IRAG1: variants seen among roughly 807,000 people sequenced by gnomAD.
The protein encoded by IRAG1 is inositol 1,4,5-triphosphate receptor associated 1, also known as IP3R-associated cGMP kinase substrate.
Under a neutral mutation model 106.2 loss-of-function variants are expected in IRAG1, and 62 were observed. The ratio of observed to expected loss-of-function variants is 0.58; its 90% CI spans 0.48 to 0.72. The LOEUF (loss-of-function observed/expected upper bound fraction) is 0.72, where lower values mean the gene tolerates loss of function less well. IRAG1 is among the 30% of genes least tolerant of loss of function. The pLI, the probability that IRAG1 is intolerant of heterozygous loss-of-function variation, is 0.00. For missense variants in IRAG1, 1,064 were observed against 1,140.7 expected (o/e 0.93, Z 0.97); for synonymous variants, 462 against 443.9 (o/e 1.04, Z -0.51).
intron 10 of IRAG1, among the ~76,000 whole-genome samples, chr11:10,621,916 C>T (rs1012928329): frequency 6.6e-6 from 1 of 151,820 alleles, no homozygotes; most frequent in Admixed American, 6.6e-5. Context: ...TACATAGAGA[C>T]AGAAAGTAGA....
intron 2 of IRAG1, among the ~76,000 whole-genome samples, chr11:10,645,261 T>C (rs1380073663): frequency 1.3e-5 from 2 of 152,208 alleles, no homozygotes; most frequent in African/African-American, 2.4e-5. Flanking sequence ...CTCTATTGCA[T>C]ATAATGGGGT....
At chr11:10,627,626 C>G in intron 8 of IRAG1, 90 bp downstream of exon 8, 1 of 1,446,866 alleles carries the variant, frequency 6.9e-7, no homozygotes, top group East Asian at 2.3e-5. Context: ...TGCACACACA[C>G]TTGAAGGCTG....
At chr11:10,604,264 C>T in intron 13 of IRAG1, 141 bp downstream of exon 13, 4 of 1,112,212 alleles carry the variant, frequency 3.6e-6, no homozygotes, top group Non-Finnish European at 5.1e-6. Context: ...CCCCAACTCT[C>T]TGAGGAACAC....
At chr11:10,648,786 T>A (rs1234515411) in intron 2 of IRAG1, among the ~76,000 whole-genome samples, 1 of 152,042 alleles carries the variant, frequency 6.6e-6, no homozygotes, top group Non-Finnish European at 1.5e-5. Flanking sequence ...TGTCTGTGCA[T>A]GCCTGTGTAT....
At chr11:10,655,913 T>A (rs1858885374) in intron 1 of IRAG1, among the ~76,000 whole-genome samples, 1 of 152,098 alleles carries the variant, frequency 6.6e-6, no homozygotes, top group African/African-American at 2.4e-5. Context: ...CTTGACAAGA[T>A]GGAACCCCAG....
intron 1 of IRAG1, among the ~76,000 whole-genome samples, chr11:10,689,857 C>T (rs1861927023): frequency 6.6e-6 from 1 of 152,152 alleles, no homozygotes; most frequent in Non-Finnish European, 1.5e-5. Flanking sequence ...ATACTTATCA[C>T]TGAGGAATGG....
intron 1 of IRAG1, among the ~76,000 whole-genome samples, chr11:10,693,105 G>A (rs917940928): frequency 2.0e-5 from 3 of 152,212 alleles, no homozygotes; most frequent in African/African-American, 7.2e-5. Context: ...TGCCAGCCCA[G>A]GTTCAAGGCA....
chr11:10,600,904 G>A lies in IRAG1; in HGVS notation c.2017+14C>T. 1 of 1,613,954 alleles carries A rather than the reference G, an allele frequency of 6.2e-7. No homozygotes were observed. The highest frequency in any genetic ancestry group is 8.5e-7 in the Non-Finnish European group (1 of 1,179,826). On this transcript the variant is annotated intron_variant, in intron 15 of 20. Transcript: ENST00000423302. ...CTTGTAGGGCCAAGATGGGGCAGGA[G>A]CCTAGGTCCTTACCAGAGGGGCCAC...
intron 18 of IRAG1, among the ~76,000 whole-genome samples, chr11:10,584,508 A>G (rs1168955283): frequency 6.7e-6 from 1 of 149,272 alleles, no homozygotes; most frequent in African/African-American, 2.4e-5. Flanking sequence ...GGAGAAAAAC[A>G]TAGCTACAGC....
intron 13 of IRAG1, among the ~76,000 whole-genome samples, chr11:10,604,059 G>A (rs945344195): frequency 6.6e-6 from 1 of 152,240 alleles, no homozygotes; most frequent in African/African-American, 2.4e-5. Flanking sequence ...GCTGAGAGAA[G>A]TGGCCTCTGC....
chr11:10,661,031 C>T (rs1306151240), intron 1 of IRAG1, among the ~76,000 whole-genome samples: 1 of 152,174 alleles, frequency 6.6e-6, no homozygotes, highest in Non-Finnish European at 1.5e-5. Context: ...CTGTCTGAAA[C>T]ACAAATTGGA....
At position 10,575,302 on chromosome 11, in the gene IRAG1, A is replaced by C. The variant is rs1185429242; in HGVS notation, c.*1030T>G. 1 of 152,238 alleles carries C rather than the reference A, an allele frequency of 6.6e-6. No individual in the cohort carries two copies. Among genetic ancestry groups the C allele is most frequent in the African/African-American group, 2.4e-5 (1 of 41,464 alleles). The allele number at this position is 152,238 out of a possible 1,614,324, so 9.4% of individuals were successfully genotyped here. A position where few individuals can be genotyped will look rare whatever the true frequency, so the allele number is the denominator to read the frequency against. ...TGCAAGTTTACTCTTGCATGTGGTCACACACAGAGTAAGAGACTGAAGCAG... is the reference window on the plus strand; with the variant it reads ...TGCAAGTTTACTCTTGCATGTGGTCCCACACAGAGTAAGAGACTGAAGCAG... On this transcript the variant is annotated 3_prime_UTR_variant, in exon 21 of 21. Coordinates refer to ENST00000423302, the MANE Select transcript of IRAG1 (RefSeq NM_130385.4).
intron 1 of IRAG1, among the ~76,000 whole-genome samples, chr11:10,684,078 T>C (rs1048100116): frequency 2.6e-5 from 4 of 152,086 alleles, no homozygotes; most frequent in African/African-American, 9.7e-5. Flanking sequence ...AGATGCAACA[T>C]CCAAAAAACT....
chr11:10,669,173 TGTTTA>T (rs1366435280), intron 1 of IRAG1, among the ~76,000 whole-genome samples: 2 of 152,232 alleles, frequency 1.3e-5, no homozygotes. Flanking sequence ...ATCTATATTT[TGTTTA>T]GTTTCAACTA....
chr11:10,628,717 C>T lies in IRAG1; in HGVS notation c.652+34G>A. 3 of 1,486,854 alleles carry T rather than the reference C, an allele frequency of 2.0e-6. No individual in the cohort carries two copies. The highest frequency in any genetic ancestry group is 2.7e-6 in the Non-Finnish European group (3 of 1,117,634). 92.1% of individuals were successfully genotyped at this position (1,486,854 alleles called of 1,614,324 possible). A position where few individuals can be genotyped will look rare whatever the true frequency, so the allele number is the denominator to read the frequency against. On this transcript the variant is annotated intron_variant, in intron 6 of 20. Transcript: ENST00000423302. This position sits in a 1 kb window ranked among gnomAD's most constrained non-coding sequence, Gnocchi z 4.1. ...CTGAGCTGCCACCCAGAGCGAGAGG[C>T]AGGGCAGGAAGTCCCCGGGCAGCTG...
chr11:10,580,319 T>C, intron 20 of IRAG1, 136 bp downstream of exon 20: 1 of 1,347,348 alleles, frequency 7.4e-7, no homozygotes, highest in South Asian at 1.4e-5. Context: ...CCCTCTTGGT[T>C]TCTTGGGCTA....
At chr11:10,598,840 TA>T (rs1297217271) in intron 15 of IRAG1, among the ~76,000 whole-genome samples, 1 of 152,258 alleles carries the variant, frequency 6.6e-6, no homozygotes, top group African/African-American at 2.4e-5. Flanking sequence ...ATGTTATTTT[TA>T]AAAAATGTAT....
intron 10 of IRAG1, among the ~76,000 whole-genome samples, chr11:10,621,036 C>A (rs945315705): frequency 4.6e-5 from 7 of 151,976 alleles, no homozygotes; most frequent in African/African-American, 1.7e-4. Context: ...TAAATATGGG[C>A]AAATATTGCA....
In IRAG1 at chr11:10,604,395, C is replaced by G. The variant is rs774778614; in HGVS notation, c.1743+10G>C. ...CTCCAGGGATTCCTCACATCAGGCTCCACAATTACCGTAATGGAAGCTTTG... is the reference window on the plus strand; with the variant it reads ...CTCCAGGGATTCCTCACATCAGGCTGCACAATTACCGTAATGGAAGCTTTG... On this transcript the variant is annotated intron_variant, in intron 13 of 20. Coordinates refer to ENST00000423302, the MANE Select transcript of IRAG1 (RefSeq NM_130385.4). 1.2e-5 allele frequency: 19 copies of G among 1,613,940 alleles called. No homozygotes were observed. The highest frequency in any genetic ancestry group is 1.5e-5 in the Non-Finnish European group (18 of 1,179,860).
Sources: gnomAD v4.1 joint callset for allele counts (sites outside exome capture counted in the v4.1 genomes callset) on GRCh38, gnomAD v4.1.1 for gene constraint, Gnocchi (gnomAD v3.1) non-coding constraint, MANE v1.5 for transcripts, NCBI Gene and HGNC (gene_info 2026-07-23, HGNC 2026-07-21) for gene names.